The following KLHL29 variants were observed in gnomAD, a reference collection of about 807,000 sequenced individuals.
KLHL29 encodes kelch like family member 29.
In KLHL29, 21 loss-of-function variants were observed where a neutral mutation model predicts 80.4. The observed-to-expected ratio is 0.26, with a 90% CI of 0.19 to 0.38. KLHL29 has a LOEUF of 0.38. Ranked by LOEUF, KLHL29 falls within the 10% of genes least tolerant of loss-of-function variation. The probability of loss-of-function intolerance (pLI) is 1.00; values close to 1 mark genes in which losing one functional copy is unlikely to be tolerated. For synonymous variants in KLHL29, 511 were observed against 526.8 expected, an observed-to-expected ratio of 0.97 and a Z score of 0.41; for missense variants, 867 against 1,223.9, an observed-to-expected ratio of 0.71 and a Z score of 4.35.
At chr2:23,582,704 T>C (rs886420624) in intron 3 of KLHL29, among the ~76,000 whole-genome samples, 3 of 152,314 alleles carry the variant, frequency 2.0e-5, no homozygotes, top group Non-Finnish European at 4.4e-5. Context: ...ATTTAAGCTA[T>C]ATTTCAGGGT....
chr2:23,608,276 T>A (rs1668777492), intron 3 of KLHL29, among the ~76,000 whole-genome samples: 1 of 152,206 alleles, frequency 6.6e-6, no homozygotes, highest in African/African-American at 2.4e-5. Flanking sequence ...TTTTGGTCTT[T>A]TATTTTGTGT....
chr2:23,460,044 G>A (rs530595176), intron 1 of KLHL29, among the ~76,000 whole-genome samples: 2 of 152,318 alleles, frequency 1.3e-5, no homozygotes, highest in South Asian at 2.1e-4. Context: ...GAAATGATGA[G>A]AAGTATTTGT....
chr2:23,486,605 T>G lies in KLHL29; in HGVS notation c.-46+10938T>G, dbSNP rs1664938572. On this transcript the variant is annotated intron_variant, in intron 2 of 13. Transcript: ENST00000486442. ...CAGCATGTCCTTGGGGCATCTGTCA[T>G]TAACAATTATGAAGTCATTTTCTGG... Among the ~76,000 whole-genome samples the G allele has an allele frequency of 2.6e-5, 4 of 152,302 alleles. No homozygotes were observed. In the South Asian group the frequency reaches 8.3e-4, roughly 32 times the overall value.
intron 2 of KLHL29, among the ~76,000 whole-genome samples, chr2:23,526,705 C>T (rs914354129): frequency 2.6e-5 from 4 of 152,176 alleles, no homozygotes; most frequent in African/African-American, 9.7e-5. Flanking sequence ...AAGTCTCTAG[C>T]GTGGGGTGAG....
chr2:23,689,037 T>C (rs1041531638), intron 6 of KLHL29: 2 of 153,102 alleles, frequency 1.3e-5, no homozygotes, highest in Non-Finnish European at 2.9e-5. Context: ...CTCACAGCTC[T>C]GCAGGCCATG....
intron 2 of KLHL29, among the ~76,000 whole-genome samples, chr2:23,528,916 A>G (rs1666410570): frequency 6.6e-6 from 1 of 152,206 alleles, no homozygotes; most frequent in African/African-American, 2.4e-5. Context: ...CGAGTCTGCA[A>G]GTTGGCTGGG....
chr2:23,633,977 T>A (rs1039756787), intron 3 of KLHL29, among the ~76,000 whole-genome samples: 1 of 152,160 alleles, frequency 6.6e-6, no homozygotes, highest in Admixed American at 6.5e-5. Context: ...GTCTCTCTAT[T>A]AACAGGGATG....
chr2:23,613,448 T>C (rs536183605), intron 3 of KLHL29, among the ~76,000 whole-genome samples: 3 of 152,144 alleles, frequency 2.0e-5, no homozygotes, highest in African/African-American at 7.2e-5. Flanking sequence ...CAAGAAACAA[T>C]ACTTCATAAT....
chr2:23,450,350 G>A (rs1176216173), intron 1 of KLHL29, among the ~76,000 whole-genome samples: 1 of 152,160 alleles, frequency 6.6e-6, no homozygotes, highest in Admixed American at 6.5e-5. Flanking sequence ...CTATAGCTTA[G>A]ATTGCGGCCT....
chr2:23,477,773 G>T (rs1216628655), intron 2 of KLHL29, among the ~76,000 whole-genome samples: 3 of 152,220 alleles, frequency 2.0e-5, no homozygotes, highest in Non-Finnish European at 4.4e-5. Context: ...GCTCCTACAC[G>T]GGGCAAAGAA....
chr2:23,525,552 T>C (rs1666276969), intron 2 of KLHL29, among the ~76,000 whole-genome samples: 1 of 152,218 alleles, frequency 6.6e-6, no homozygotes, highest in Non-Finnish European at 1.5e-5. Flanking sequence ...GGACAGTTCC[T>C]TCTGGCCAGG....
At chr2:23,605,930 C>T (rs1668710089) in intron 3 of KLHL29, among the ~76,000 whole-genome samples, 1 of 151,994 alleles carries the variant, frequency 6.6e-6, no homozygotes, top group African/African-American at 2.4e-5. Context: ...CCACCACGCC[C>T]GGCTAATTTT....
intron 3 of KLHL29, among the ~76,000 whole-genome samples, chr2:23,597,106 G>A (rs1173038043): frequency 6.6e-6 from 1 of 151,950 alleles, no homozygotes; most frequent in Non-Finnish European, 1.5e-5. Context: ...AAGTGTTCAG[G>A]GAAGACTGTC....
At chr2:23,440,929 C>T (rs1663499237) in intron 1 of KLHL29, among the ~76,000 whole-genome samples, 1 of 152,196 alleles carries the variant, frequency 6.6e-6, no homozygotes, top group Non-Finnish European at 1.5e-5. Flanking sequence ...GGCAATTCCT[C>T]AGGGATCTGG....
At chr2:23,591,554 C>A (rs1003327740) in intron 3 of KLHL29, among the ~76,000 whole-genome samples, 1 of 151,678 alleles carries the variant, frequency 6.6e-6, no homozygotes, top group Non-Finnish European at 1.5e-5. Flanking sequence ...CTCCTTACCC[C>A]CCACAGCCAG....
chr2:23,590,924 G>A (rs1049537269), intron 3 of KLHL29, among the ~76,000 whole-genome samples: 4 of 152,200 alleles, frequency 2.6e-5, no homozygotes, highest in South Asian at 4.1e-4. Context: ...CGCCACAGAC[G>A]TCCCTGCCGC....
chr2:23,573,078 T>G (rs111854972), intron 3 of KLHL29, among the ~76,000 whole-genome samples: 2 of 152,236 alleles, frequency 1.3e-5, no homozygotes, highest in East Asian at 1.9e-4. Context: ...GGTTCGTAGT[T>G]GGGCCTGAGC....
intron 2 of KLHL29, chr2:23,507,227 C>T: frequency 3.6e-6 from 1 of 278,450 alleles, no homozygotes; most frequent in Non-Finnish European, 8.5e-6. Context: ...CATCAACATC[C>T]AGATCCTGTA....
intron 3 of KLHL29, among the ~76,000 whole-genome samples, chr2:23,584,661 C>T (rs1668072839): frequency 6.6e-6 from 1 of 152,174 alleles, no homozygotes. Context: ...GGGCGGTGCC[C>T]ATGAGGGACA....
Sources: allele counts gnomAD v4.1 joint callset (sites outside exome capture counted in the v4.1 genomes callset), GRCh38; gene constraint gnomAD v4.1.1; transcripts MANE v1.5; gene names NCBI Gene and HGNC (gene_info 2026-07-23, HGNC 2026-07-21).